The following ANKS1B variants were observed in gnomAD, a reference collection of about 807,000 sequenced individuals.
ANKS1B encodes the protein ankyrin repeat and sterile alpha motif domain containing 1B, also known as ankyrin repeat and sterile alpha motif domain-containing protein 1B.
ANKS1B carries 36 observed loss-of-function variants against 148.3 expected under a neutral mutation model. That is an observed-to-expected ratio of 0.24 (90% confidence interval 0.19 to 0.32). ANKS1B has a LOEUF of 0.32. Ranked by LOEUF, ANKS1B falls within the 10% of genes least tolerant of loss-of-function variation. The probability of loss-of-function intolerance (pLI) is 1.00; values close to 1 mark genes in which losing one functional copy is unlikely to be tolerated. For missense variants in ANKS1B, 1,157 were observed against 1,542.6 expected (o/e 0.75, Z 4.19); for synonymous variants, 542 against 560.8 (o/e 0.97, Z 0.47).
intron 16 of ANKS1B, among the ~76,000 whole-genome samples, chr12:99,074,163 T>G (rs575128862): frequency 6.6e-6 from 1 of 152,274 alleles, no homozygotes; most frequent in Admixed American, 6.5e-5. Flanking sequence ...GGGGGTGAAC[T>G]TCTCAGAATT....
chr12:99,262,283 A>C (rs2076003987), intron 12 of ANKS1B, among the ~76,000 whole-genome samples: 1 of 152,084 alleles, frequency 6.6e-6, no homozygotes, highest in Non-Finnish European at 1.5e-5. Context: ...TTAGGAGGAG[A>C]GACATTTTTG....
chr12:99,921,512 A>G (rs2094351910), intron 1 of ANKS1B, among the ~76,000 whole-genome samples: 1 of 152,164 alleles, frequency 6.6e-6, no homozygotes, highest in African/African-American at 2.4e-5. Context: ...ATCTTCTTCA[A>G]GTGTTTCACA....
intron 14 of ANKS1B, among the ~76,000 whole-genome samples, chr12:99,217,376 G>C (rs927713039): frequency 1.3e-5 from 2 of 151,992 alleles, no homozygotes; most frequent in Admixed American, 1.3e-4. Context: ...CCTCCCTGGT[G>C]AATGGTGTCT....
At chr12:99,538,848 C>T (rs28594846) in intron 9 of ANKS1B, among the ~76,000 whole-genome samples, 2,067 of 152,220 alleles carry the variant, frequency 0.014, 43 homozygotes, top group African/African-American at 0.046. Context: ...CAGTTTTTCT[C>T]CATTCAATGT....
chr12:99,088,037 A>G (rs913724747), intron 15 of ANKS1B, among the ~76,000 whole-genome samples: 12 of 152,212 alleles, frequency 7.9e-5, no homozygotes, highest in Admixed American at 2.0e-4. Flanking sequence ...TTCCTAGCAT[A>G]TAGGATAATT....
At chr12:98,965,944 C>T (rs1023197129) in intron 17 of ANKS1B, among the ~76,000 whole-genome samples, 1 of 152,054 alleles carries the variant, frequency 6.6e-6, no homozygotes, top group African/African-American at 2.4e-5. Context: ...CCATAAAAAC[C>T]CTAGAAGAAA....
chr12:99,842,804 A>G, intron 1 of ANKS1B, among the ~76,000 whole-genome samples: 1 of 152,266 alleles, frequency 6.6e-6, no homozygotes, highest in East Asian at 1.9e-4. Context: ...AACAAGCATC[A>G]TTGAATAATT....
intron 14 of ANKS1B, among the ~76,000 whole-genome samples, chr12:99,241,453 G>A (rs117677979): frequency 6.6e-6 from 1 of 152,246 alleles, no homozygotes; most frequent in East Asian, 1.9e-4. Flanking sequence ...ATTCACAGCC[G>A]AGTTCTACCA....
intron 12 of ANKS1B, among the ~76,000 whole-genome samples, chr12:99,328,360 G>A (rs979565533): frequency 6.6e-6 from 1 of 151,830 alleles, no homozygotes; most frequent in Non-Finnish European, 1.5e-5. Flanking sequence ...GAACTCCCTC[G>A]AATATTCAGT....
intron 17 of ANKS1B, among the ~76,000 whole-genome samples, chr12:98,872,050 C>A (rs189433218): frequency 2.6e-5 from 4 of 152,264 alleles, no homozygotes; most frequent in African/African-American, 9.6e-5. Context: ...GTTTTCTGGG[C>A]AGATAAGAGC....
At chr12:99,747,823 G>GA (rs1241114908) in intron 8 of ANKS1B, among the ~76,000 whole-genome samples, 1 of 152,006 alleles carries the variant, frequency 6.6e-6, no homozygotes, top group Non-Finnish European at 1.5e-5. Flanking sequence ...AAACACATGT[G>GA]AAAAATGAAC....
intron 16 of ANKS1B, among the ~76,000 whole-genome samples, chr12:99,073,071 A>C (rs2046760569): frequency 6.6e-6 from 1 of 152,260 alleles, no homozygotes; most frequent in Non-Finnish European, 1.5e-5. Context: ...TCTTTTTAAA[A>C]GTGTATTTAA....
intron 9 of ANKS1B, among the ~76,000 whole-genome samples, chr12:99,616,793 G>C (rs991867662): frequency 6.6e-6 from 1 of 152,088 alleles, no homozygotes; most frequent in Non-Finnish European, 1.5e-5. Flanking sequence ...TGACAAATAG[G>C]ATCTAATTAA....
chr12:99,943,083 C>A (rs1313957843), intron 1 of ANKS1B, among the ~76,000 whole-genome samples: 1 of 152,110 alleles, frequency 6.6e-6, no homozygotes, highest in Non-Finnish European at 1.5e-5. Flanking sequence ...ATTTTGCTAC[C>A]TGAAAGAAGC....
intron 11 of ANKS1B, among the ~76,000 whole-genome samples, chr12:99,405,602 G>A (rs1164287561): frequency 6.9e-6 from 1 of 144,632 alleles, no homozygotes; most frequent in Non-Finnish European, 1.5e-5. Context: ...TTCACTAAAA[G>A]GAAGAGAGGG....
intron 11 of ANKS1B, among the ~76,000 whole-genome samples, chr12:99,416,802 ATCT>A (rs879813180): frequency 1.3e-5 from 2 of 152,164 alleles, no homozygotes; most frequent in African/African-American, 4.8e-5. Flanking sequence ...TTGTCTTCTC[ATCT>A]TCTTAATAGG....
intron 9 of ANKS1B, among the ~76,000 whole-genome samples, chr12:99,542,732 G>T (rs192126059): frequency 2.1e-4 from 32 of 152,118 alleles, no homozygotes; most frequent in Admixed American, 1.8e-3. Flanking sequence ...TAGATCAATA[G>T]AAAAAATAGT....
chr12:98,955,586 G>C (rs1191162638), intron 17 of ANKS1B, among the ~76,000 whole-genome samples: 1 of 152,194 alleles, frequency 6.6e-6, no homozygotes, highest in East Asian at 1.9e-4. Flanking sequence ...AGCCGTGGAA[G>C]AGGTGAGAGG....
intron 11 of ANKS1B, among the ~76,000 whole-genome samples, chr12:99,434,804 A>C (rs1224834578): frequency 6.6e-6 from 1 of 152,186 alleles, no homozygotes; most frequent in South Asian, 2.1e-4. Flanking sequence ...CTGTCTAGAC[A>C]TGCTCTAGGG....
Sources: gnomAD v4.1 joint callset for allele counts (sites outside exome capture counted in the v4.1 genomes callset) on GRCh38, gnomAD v4.1.1 for gene constraint, MANE v1.5 for transcripts, NCBI Gene and HGNC (gene_info 2026-07-23, HGNC 2026-07-21) for gene names.